Variants in EPHX2 observed in about 807,000 individuals in gnomAD.
EPHX2 encodes the protein epoxide hydrolase 2, also known as bifunctional epoxide hydrolase 2.
Under a neutral mutation model 78.7 loss-of-function variants are expected in EPHX2, and 74 were observed. That is an observed-to-expected ratio of 0.94 (90% confidence interval 0.78 to 1.14). EPHX2 has a LOEUF of 1.14. EPHX2 is among the 50% of genes most tolerant of loss of function. The pLI, the probability that EPHX2 is intolerant of heterozygous loss-of-function variation, is 0.00. For synonymous variants in EPHX2, 251 were observed against 255.2 expected, an observed-to-expected ratio of 0.98 and a Z score of 0.16; for missense variants, 715 against 702.5, an observed-to-expected ratio of 1.02 and a Z score of -0.20.
At chr8:27,500,716 A>G (rs968301137) in intron 1 of EPHX2, among the ~76,000 whole-genome samples, 2 of 152,174 alleles carry the variant, frequency 1.3e-5, no homozygotes, top group Non-Finnish European at 2.9e-5. Flanking sequence ...TCTCTGTGGA[A>G]CATACTGTGA....
intron 8 of EPHX2, 92 bp downstream of exon 8, chr8:27,516,490 C>T (rs1231392436): frequency 3.4e-6 from 4 of 1,175,464 alleles, no homozygotes. Flanking sequence ...GGTCCCAGAT[C>T]AGAGTAGCCT....
At chr8:27,506,809 T>C in intron 4 of EPHX2, 63 bp from the exon 5 acceptor site, 1 of 1,579,372 alleles carries the variant, frequency 6.3e-7, no homozygotes, top group South Asian at 1.2e-5. Flanking sequence ...CATCATAAAA[T>C]AGCCCCTGTT....
rs72477579 is a variant in EPHX2, at chr8:27,538,852, C to G, written c.1276+160C>G. ...CGGCATGCATAGGGCTGACTCTAAC[C>G]CCAGGCCTGAGCACACAGCCTGGAG... On this transcript the variant is annotated intron_variant, in intron 14 of 18. Coordinates refer to ENST00000521400, the MANE Select transcript of EPHX2 (RefSeq NM_001979.6). 1,648 of 720,636 alleles carry G rather than the reference C, an allele frequency of 2.3e-3. 16 individuals carry two copies. The African/African-American group carries it at 0.026, about 11-fold the overall frequency. The allele number at this position is 720,636 out of a possible 1,614,324, so 44.6% of individuals were successfully genotyped here. A position where few individuals can be genotyped will look rare whatever the true frequency, so the allele number is the denominator to read the frequency against.
At chr8:27,497,948 T>G (rs1813634668) in intron 1 of EPHX2, among the ~76,000 whole-genome samples, 1 of 152,054 alleles carries the variant, frequency 6.6e-6, no homozygotes, top group African/African-American at 2.4e-5. Flanking sequence ...TGTCATTCTG[T>G]CATTTACTTG....
Position 27,540,600 on chromosome 8 carries a change from G to A in EPHX2, c.1323G>A (p.Met441Ile). ...NSPEEPSLSR[M>I]VTEEEIQFYV... ...CAGAAGAGCCCAGCCTCAGCAGGAT[G>A]GTCACTGAGGAGGAAATCCAGTTCT... Residue 441 changes from methionine (M) to isoleucine (I), a missense_variant, in exon 15 of 19, where the codon ATG (methionine) becomes ATA (isoleucine). Transcript: ENST00000521400. The A allele has an allele frequency of 6.2e-7, 1 of 1,614,150 alleles. No individual in the cohort carries two copies. Among genetic ancestry groups the A allele is most frequent in the Non-Finnish European group, 8.5e-7 (1 of 1,180,024 alleles).
chr8:27,515,490 T>A (rs1216632487), intron 6 of EPHX2: 1 of 537,290 alleles, frequency 1.9e-6, no homozygotes, highest in African/African-American at 1.9e-5. Flanking sequence ...TCATAATCTT[T>A]GCAGAATTCT....
At chr8:27,506,762 T>C (rs1814019906) in intron 4 of EPHX2, 110 bp from the exon 5 acceptor site, 3 of 1,433,182 alleles carry the variant, frequency 2.1e-6, no homozygotes, top group Non-Finnish European at 9.5e-7. Context: ...ATTTTAGCAG[T>C]AGATGGTTAT....
intron 4 of EPHX2, 95 bp from the exon 5 acceptor site, chr8:27,506,777 G>GA: frequency 6.6e-7 from 1 of 1,511,476 alleles, no homozygotes; most frequent in Non-Finnish European, 8.9e-7. Flanking sequence ...GGTTATAAAA[G>GA]AAAAAGAGTT....
intron 9 of EPHX2, among the ~76,000 whole-genome samples, 195 bp from the exon 10 acceptor site, chr8:27,520,688 G>A (rs1814614255): frequency 6.6e-6 from 1 of 152,044 alleles, no homozygotes; most frequent in South Asian, 2.1e-4. Context: ...GTTGGATTAG[G>A]GCTCACCCAT....
At chr8:27,526,013 G>C (rs1380831397) in intron 12 of EPHX2, among the ~76,000 whole-genome samples, 1 of 152,218 alleles carries the variant, frequency 6.6e-6, no homozygotes, top group Non-Finnish European at 1.5e-5. Context: ...ACCTGGCCTG[G>C]TGCCCCGCCT....
intron 12 of EPHX2, among the ~76,000 whole-genome samples, chr8:27,529,477 A>G (rs963054718): frequency 6.6e-6 from 1 of 152,082 alleles, no homozygotes; most frequent in East Asian, 1.9e-4. Flanking sequence ...TATCCTGTGA[A>G]CCCTGCTCTC....
chr8:27,530,624 G>A (rs551397522), intron 12 of EPHX2, among the ~76,000 whole-genome samples: 7 of 152,202 alleles, frequency 4.6e-5, no homozygotes, highest in Admixed American at 4.6e-4. Context: ...GTAACAGGTA[G>A]ACTATGGATT....
intron 5 of EPHX2, among the ~76,000 whole-genome samples, chr8:27,508,427 C>CTTTTTAAAATTAAAA (rs1264220346): frequency 6.6e-6 from 1 of 152,164 alleles, no homozygotes; most frequent in East Asian, 1.9e-4. Flanking sequence ...AATGTATACC[C>CTTTTTAAAATTAAAA]AGTGACTCCA....
At chr8:27,491,656 C>G (rs1813384752) in intron 1 of EPHX2, among the ~76,000 whole-genome samples, 1 of 152,140 alleles carries the variant, frequency 6.6e-6, no homozygotes, top group South Asian at 2.1e-4. Flanking sequence ...AGTTCTCTCC[C>G]CAGGTGTGGG....
chr8:27,495,923 C>T (rs1813555872), intron 1 of EPHX2, among the ~76,000 whole-genome samples: 1 of 152,218 alleles, frequency 6.6e-6, no homozygotes, highest in Admixed American at 6.5e-5. Flanking sequence ...GTTTCTGCCT[C>T]TGGTTCCCAT....
At chr8:27,538,247 GA>G (rs1298336335) in intron 13 of EPHX2, among the ~76,000 whole-genome samples, 1 of 152,110 alleles carries the variant, frequency 6.6e-6, no homozygotes, top group Non-Finnish European at 1.5e-5. Flanking sequence ...TTTTTTCACT[GA>G]GGGTATAGCA....
rs1422831363 is a variant in EPHX2, at chr8:27,516,418, G to T, written c.910+20G>T. ...CTCCCGGTGGGTGTGCTGTCTTGCA[G>T]CTGTCTTATGCTGGTCTTGCCTTCT... On this transcript the variant is annotated intron_variant, in intron 8 of 18. Coordinates refer to ENST00000521400, the MANE Select transcript of EPHX2 (RefSeq NM_001979.6). 6.2e-7 allele frequency: 1 copy of T among 1,609,660 alleles called. No homozygotes were observed. The highest frequency in any genetic ancestry group is 8.5e-7 in the Non-Finnish European group (1 of 1,176,382).
At chr8:27,539,710 G>C (rs529340545) in intron 14 of EPHX2, among the ~76,000 whole-genome samples, 1 of 152,204 alleles carries the variant, frequency 6.6e-6, no homozygotes. Flanking sequence ...ACAGTCTCAC[G>C]GGAGGCAGAG....
downstream of EPHX2, among the ~76,000 whole-genome samples, chr8:27,546,128 CAA>C (rs368341959): frequency 5.5e-4 from 48 of 86,776 alleles, no homozygotes; most frequent in Admixed American, 4.0e-4. Context: ...GACTCCGACT[CAA>C]AAAAAAAAAA....
Sources: gnomAD v4.1 joint callset for allele counts (sites outside exome capture counted in the v4.1 genomes callset) on GRCh38, gnomAD v4.1.1 for gene constraint, MANE v1.5 for transcripts, NCBI Gene and HGNC (gene_info 2026-07-23, HGNC 2026-07-21) for gene names.